RYR2: variants seen among roughly 807,000 people sequenced by gnomAD.
RYR2 encodes the protein cardiac muscle ryanodine receptor-calcium release channel.
A neutral mutation model predicts 601.1 loss-of-function variants in RYR2; 227 were observed. That is an observed-to-expected ratio of 0.38 (90% CI 0.34 to 0.42). The LOEUF is 0.42. Among genes scored for constraint, RYR2 ranks in the 10% least tolerant of loss-of-function variants. RYR2 has a pLI of 1.00. For synonymous variants in RYR2, 2,223 were observed against 2,175.1 expected (o/e 1.02, Z -0.61); for missense variants, 4,646 against 6,156.5 (o/e 0.75, Z 8.21).
rs794728778 is a variant in RYR2, at chr1:237,781,643, G to A, written c.11959G>A (p.Glu3987Lys). The change falls in exon 89 of 105, where the codon GAA (glutamate) becomes AAA (lysine). Residue 3987 changes from glutamate to lysine, a missense_variant. Coordinates refer to ENST00000366574, the MANE Select transcript of RYR2 (RefSeq NM_001035.3). ...GGTGGTCATGTTGCTGTCCATGTTA[G>A]AAGGTAGTTTTGATTTATACTTTTA... Reference protein sequence around the residue: ...DMVVMLLSMLEGNVVNGTIGK... With the variant: ...DMVVMLLSMLKGNVVNGTIGK... The A allele has an allele frequency of 6.4e-7, 1 of 1,550,394 alleles. No individual in the cohort carries two copies. The highest frequency in any genetic ancestry group is 8.8e-7 in the Non-Finnish European group (1 of 1,131,448).
At chr1:237,281,027 C>T (rs973044300) in intron 2 of RYR2, among the ~76,000 whole-genome samples, 10 of 152,090 alleles carry the variant, frequency 6.6e-5, no homozygotes, top group South Asian at 2.1e-4. Context: ...TTAGGTGATC[C>T]GCCTGCCTCA....
intron 101 of RYR2, among the ~76,000 whole-genome samples, chr1:237,822,678 A>G (rs779622192): frequency 5.9e-5 from 9 of 152,218 alleles, no homozygotes; most frequent in Non-Finnish European, 1.3e-4. Flanking sequence ...CACACATAAT[A>G]ATATTAACCT....
chr1:237,398,718 C>T (rs895324706), intron 10 of RYR2, among the ~76,000 whole-genome samples: 1 of 152,190 alleles, frequency 6.6e-6, no homozygotes, highest in Admixed American at 6.5e-5. Flanking sequence ...GACCATGTGG[C>T]TTAGCAATAG....
At chr1:237,109,612 C>G (rs192880303) in intron 1 of RYR2, among the ~76,000 whole-genome samples, 1 of 152,152 alleles carries the variant, frequency 6.6e-6, no homozygotes, top group Non-Finnish European at 1.5e-5. Context: ...GGCAGCATCT[C>G]CTCTCTGCAG....
At chr1:237,596,849 T>C (rs1444553923) in intron 34 of RYR2, among the ~76,000 whole-genome samples, 1 of 152,222 alleles carries the variant, frequency 6.6e-6, no homozygotes, top group Admixed American at 6.5e-5. Context: ...GGAAATGAGA[T>C]ATATTCAATG....
In RYR2 at chr1:237,707,185, A is replaced by G. The variant is rs1365049763; in HGVS notation, c.9817A>G (p.Met3273Val). The change falls in exon 68 of 105, where the codon ATG (methionine) becomes GTG (valine). Residue 3273 changes from methionine (M) to valine (V), a missense_variant. By Grantham distance (21) the Met-to-Val change is conservative. This residue lies in a region of RYR2 where 1,497 missense variants were observed against 1,842.6 expected (regional missense o/e 0.81). Transcript: ENST00000366574. ...CTGCACAGCCCTGAACTCAGAGCAC[A>G]TGAACACACTTCTAGGGAACATATT... is the stretch of plus-strand genomic sequence containing the variant. ...MCCTALNSEH[M>V]NTLLGNILKI... 5.6e-6 allele frequency: 9 copies of G among 1,613,108 alleles called. No individual in the cohort carries two copies. Among genetic ancestry groups the G allele is most frequent in the African/African-American group, 4.0e-5 (3 of 74,924 alleles).
chr1:237,499,584 T>C (rs373578439), intron 20 of RYR2, among the ~76,000 whole-genome samples: 2 of 152,312 alleles, frequency 1.3e-5, no homozygotes, highest in African/African-American at 4.8e-5. Flanking sequence ...AAAAGCTGCC[T>C]TTATTATATT....
At chr1:237,658,137 G>A in intron 54 of RYR2, 115 bp downstream of exon 54, 1 of 496,488 alleles carries the variant, frequency 2.0e-6, no homozygotes, top group African/African-American at 2.0e-5. Flanking sequence ...TCTAAATTAG[G>A]AAAAAATACT....
At chr1:237,410,740 A>T (rs916252652) in intron 10 of RYR2, among the ~76,000 whole-genome samples, 12 of 152,150 alleles carry the variant, frequency 7.9e-5, no homozygotes, top group Non-Finnish European at 1.6e-4. Flanking sequence ...AATGAAAGTC[A>T]TAGTGGTGGG....
intron 29 of RYR2, among the ~76,000 whole-genome samples, chr1:237,569,876 G>A (rs903304791): frequency 3.3e-5 from 5 of 152,180 alleles, no homozygotes; most frequent in African/African-American, 1.2e-4. Flanking sequence ...CAGGGAGCAC[G>A]TGCTGCTGCC....
intron 12 of RYR2, among the ~76,000 whole-genome samples, chr1:237,429,476 G>T (rs1346110910): frequency 6.6e-6 from 1 of 152,108 alleles, no homozygotes; most frequent in African/African-American, 2.4e-5. Flanking sequence ...TGAGGCAGAT[G>T]CTTGTCCTGT....
intron 76 of RYR2, among the ~76,000 whole-genome samples, chr1:237,728,956 A>G (rs1336192149): frequency 6.7e-6 from 1 of 149,424 alleles, no homozygotes; most frequent in African/African-American, 2.4e-5. Context: ...AATGAAAGCA[A>G]AAAAAAAGAA....
chr1:237,566,752 G>T lies in RYR2; in HGVS notation c.3400G>T (p.Ala1134Ser), dbSNP rs886046265. 4 of 1,613,866 alleles carry T rather than the reference G, an allele frequency of 2.5e-6. No individual in the cohort carries two copies. The highest frequency in any genetic ancestry group is 1.3e-5 in the African/African-American group (1 of 74,916). Residue 1134 changes from alanine (A) to serine (S), a missense_variant, in exon 28 of 105, where the codon GCC becomes TCC. Ala to Ser is a moderately conservative substitution (Grantham distance 99). Around this residue, in one of 17 missense-constraint regions of RYR2, gnomAD observed 1,807 missense variants for 2,088.1 expected, o/e 0.87. Coordinates refer to ENST00000366574, the MANE Select transcript of RYR2 (RefSeq NM_001035.3). ...PDQELGSDERAFAFDGFKAQR... is the reference protein window; with the variant it reads ...PDQELGSDERSFAFDGFKAQR... The stretch of plus-strand genomic sequence containing the variant: ...TCAGGAGCTTGGCTCAGATGAACGT[G>T]CCTTTGCCTTTGATGGCTTCAAGGT...
chr1:237,287,399 T>C (rs947777844), intron 2 of RYR2, among the ~76,000 whole-genome samples: 10 of 152,242 alleles, frequency 6.6e-5, no homozygotes, highest in Non-Finnish European at 1.3e-4. Flanking sequence ...TCCCCAAATA[T>C]GTTTTCCAAG....
At chr1:237,579,632 A>G (rs950558981) in intron 29 of RYR2, among the ~76,000 whole-genome samples, 51 of 152,166 alleles carry the variant, frequency 3.4e-4, no homozygotes, top group Admixed American at 2.6e-4. Context: ...ATAGGAAAAA[A>G]GTGCATTCTT....
intron 87 of RYR2, among the ~76,000 whole-genome samples, chr1:237,777,445 T>C (rs1694757113): frequency 6.6e-6 from 1 of 152,222 alleles, no homozygotes; most frequent in Non-Finnish European, 1.5e-5. Context: ...GAAATGTTTT[T>C]ATGTGGCCTG....
intron 24 of RYR2, among the ~76,000 whole-genome samples, chr1:237,514,323 A>C (rs2147789298): frequency 6.6e-6 from 1 of 152,316 alleles, no homozygotes; most frequent in South Asian, 2.1e-4. Context: ...TGTGCCTTTG[A>C]CTATTACATG....
intron 48 of RYR2, among the ~76,000 whole-genome samples, chr1:237,644,677 A>G (rs184618324): frequency 6.6e-6 from 1 of 152,272 alleles, no homozygotes; most frequent in East Asian, 1.9e-4. Flanking sequence ...TCAGTTTTCA[A>G]TACTTTATTG....
At chr1:237,617,205 T>A in intron 37 of RYR2, 81 bp from the exon 38 acceptor site, 1 of 1,279,094 alleles carries the variant, frequency 7.8e-7, no homozygotes, top group Non-Finnish European at 1.1e-6. Flanking sequence ...CAACTAAGGA[T>A]GTTTACCACA....
Sources: allele counts gnomAD v4.1 joint callset (sites outside exome capture counted in the v4.1 genomes callset), GRCh38; gene constraint gnomAD v4.1.1; regional missense constraint gnomAD v4.1.1; transcripts MANE v1.5; gene names NCBI Gene and HGNC (gene_info 2026-07-23, HGNC 2026-07-21).